HEG1: variants seen among roughly 807,000 people sequenced by gnomAD.
HEG1 encodes protein HEG homolog 1.
Under a neutral mutation model 125.6 loss-of-function variants are expected in HEG1, and 56 were observed. The observed-to-expected ratio is 0.45, with a 90% CI of 0.36 to 0.56. HEG1 has a LOEUF of 0.56. HEG1 is among the 20% of genes least tolerant of loss of function. HEG1 has a pLI of 0.00. For missense variants in HEG1, 1,523 were observed against 1,670.0 expected, an observed-to-expected ratio of 0.91 and a Z score of 1.53; for synonymous variants, 644 against 668.5, an observed-to-expected ratio of 0.96 and a Z score of 0.57.
chr3:125,039,840 A>G (rs1345965397), intron 1 of HEG1, among the ~76,000 whole-genome samples: 4 of 151,716 alleles, frequency 2.6e-5, no homozygotes, highest in Non-Finnish European at 5.9e-5. Context: ...AGAGCCAAAA[A>G]AAAAAAAAAC....
Position 124,977,399 on chromosome 3 carries a change from T to C in HEG1, c.3821+460A>G, listed in dbSNP as rs190451060. Among the ~76,000 whole-genome samples the C allele has an allele frequency of 1.1e-4, 17 of 152,346 alleles. No individual in the cohort carries two copies. The East Asian group carries it at 3.3e-3, about 29-fold the overall frequency. ...TATCTCTTCTTTGAAGAAATGTCTA[T>C]TCAAGTGTTTGTCCAGTTTTAAAAT... On this transcript the variant is annotated intron_variant, in intron 15 of 16. Transcript: ENST00000311127.
At position 124,968,874 on chromosome 3, in the gene HEG1, C is replaced by A. The variant is rs1282826432; in HGVS notation, c.*1778G>T. On this transcript the variant is annotated 3_prime_UTR_variant, in exon 17 of 17. Coordinates refer to ENST00000311127, the MANE Select transcript of HEG1 (RefSeq NM_020733.2). The stretch of plus-strand genomic sequence containing the variant: ...CACTTTGAAATTTTAGGTTAGCCTC[C>A]ACTGATAAAAACAGTTCTCCTTTTA... 6.6e-6 allele frequency: 1 copy of A among 152,186 alleles called. No homozygotes were observed. Among genetic ancestry groups the A allele is most frequent in the Non-Finnish European group, 1.5e-5 (1 of 68,030 alleles). 9.4% of individuals were successfully genotyped at this position (152,186 alleles called of 1,614,324 possible). A position where few individuals can be genotyped will look rare whatever the true frequency, so the allele number is the denominator to read the frequency against.
intron 9 of HEG1, among the ~76,000 whole-genome samples, chr3:125,004,664 C>CT (rs1408804388): frequency 2.6e-5 from 4 of 151,538 alleles, no homozygotes; most frequent in Non-Finnish European, 5.9e-5. Context: ...TAACTTTTGT[C>CT]TTTTTTGTAG....
intron 1 of HEG1, among the ~76,000 whole-genome samples, chr3:125,039,218 C>T (rs1377027510): frequency 2.0e-5 from 3 of 151,910 alleles, no homozygotes; most frequent in Admixed American, 1.3e-4. Flanking sequence ...ACTTCTGTAG[C>T]GTCTTAATGT....
chr3:125,001,523 AG>A (rs1294845882), intron 11 of HEG1, among the ~76,000 whole-genome samples: 1 of 152,184 alleles, frequency 6.6e-6, no homozygotes, highest in Non-Finnish European at 1.5e-5. Flanking sequence ...CAGTGGAAAA[AG>A]AGTGATTTCT....
intron 6 of HEG1, among the ~76,000 whole-genome samples, chr3:125,011,882 A>T (rs1937161356): frequency 6.6e-6 from 1 of 152,040 alleles, no homozygotes. Context: ...ACTTCCTTCT[A>T]CCGTTCCTTA....
Position 125,045,293 on chromosome 3 carries a change from C to A in HEG1, c.316+10282G>T, listed in dbSNP as rs530455623. On this transcript the variant is annotated intron_variant, in intron 1 of 16. Coordinates refer to ENST00000311127, the MANE Select transcript of HEG1 (RefSeq NM_020733.2). The stretch of plus-strand genomic sequence containing the variant: ...AGTTCTCTCTACCTAGACTGTCCTA[C>A]TTCCTTCCCCTCGGCCTCCTGGCAA... Among the ~76,000 whole-genome samples, 6 of 152,356 alleles carry A rather than the reference C, an allele frequency of 3.9e-5. No individual in the cohort carries two copies. The South Asian group carries it at 1.2e-3, about 32-fold the overall frequency.
intron 9 of HEG1, 101 bp from the exon 10 acceptor site, chr3:125,002,416 C>T: frequency 9.5e-7 from 1 of 1,057,332 alleles, no homozygotes; most frequent in South Asian, 1.5e-5. Flanking sequence ...ATTTTCCAGC[C>T]ATCAAGTTAT....
chr3:125,038,483 C>T (rs1937566530), intron 1 of HEG1, among the ~76,000 whole-genome samples: 1 of 152,248 alleles, frequency 6.6e-6, no homozygotes, highest in Admixed American at 6.5e-5. Flanking sequence ...ATAGCTGGAG[C>T]AGGCAACACC....
At chr3:125,024,553 C>A (rs908085644) in intron 3 of HEG1, among the ~76,000 whole-genome samples, 1 of 152,142 alleles carries the variant, frequency 6.6e-6, no homozygotes, top group Non-Finnish European at 1.5e-5. Context: ...CATAAAGCAG[C>A]AAAAGATGTA....
At chr3:125,014,780 C>T (rs1462161286) in intron 5 of HEG1, 3 of 1,289,562 alleles carry the variant, frequency 2.3e-6, no homozygotes, top group Non-Finnish European at 3.0e-6. Context: ...CGTTTACGTG[C>T]AGAGAGGCAC....
At chr3:124,985,880 C>T (rs575642027) in intron 14 of HEG1, among the ~76,000 whole-genome samples, 11 of 152,336 alleles carry the variant, frequency 7.2e-5, no homozygotes, top group Non-Finnish European at 1.3e-4. Context: ...CAGGTTCAAG[C>T]GATTATCCTG....
intron 1 of HEG1, among the ~76,000 whole-genome samples, chr3:125,041,203 T>C (rs1001878238): frequency 6.6e-6 from 1 of 152,232 alleles, no homozygotes. Context: ...GCATCCATAC[T>C]GCTTTACATC....
chr3:125,014,651 G>C, intron 5 of HEG1: 1 of 1,180,676 alleles, frequency 8.5e-7, no homozygotes. Flanking sequence ...TCCCAGGACG[G>C]TGAGTAAATT....
intron 14 of HEG1, among the ~76,000 whole-genome samples, chr3:124,980,741 A>T (rs1426610674): frequency 2.0e-5 from 3 of 151,598 alleles, no homozygotes; most frequent in African/African-American, 7.3e-5. Context: ...CTGGTCTCAA[A>T]CTCTTGGCCT....
intron 15 of HEG1, among the ~76,000 whole-genome samples, chr3:124,974,150 T>C (rs2107685976): frequency 6.6e-6 from 1 of 150,900 alleles, no homozygotes; most frequent in Non-Finnish European, 1.5e-5. Flanking sequence ...TATCAGGGGG[T>C]AGGGGGACAA....
chr3:124,987,547 G>T (rs1936757326), intron 14 of HEG1, among the ~76,000 whole-genome samples: 1 of 147,192 alleles, frequency 6.8e-6, no homozygotes, highest in Non-Finnish European at 1.5e-5. Context: ...TTTTGAGACG[G>T]AGTCTCGCTG....
At chr3:125,011,408 C>T (rs72980432) in intron 6 of HEG1, among the ~76,000 whole-genome samples, 2,969 of 152,310 alleles carry the variant, frequency 0.019, 95 homozygotes, top group African/African-American at 0.066. Context: ...AATATAGTAA[C>T]AGCCAGTGAA....
Position 124,997,767 on chromosome 3 carries a change from T to C in HEG1, c.3574A>G (p.Thr1192Ala). 6.2e-7 allele frequency: 1 copy of C among 1,600,372 alleles called. No individual in the cohort carries two copies. The highest frequency in any genetic ancestry group is 8.5e-7 in the Non-Finnish European group (1 of 1,170,818). ...PECDKDTSICTDLDGVALCQC... is the reference protein window; with the variant it reads ...PECDKDTSICADLDGVALCQC... ...CACAGGGCAACGCCGTCCAGGTCAG[T>C]GCAGATGGAGGTGTCTTTGTCACAT... Residue 1192 changes from threonine (T) to alanine (A), a missense_variant, in exon 12 of 17, where the codon ACT (threonine) becomes GCT (alanine). Thr to Ala is a moderately conservative substitution (Grantham distance 58, BLOSUM62 0). Transcript: ENST00000311127.
Sources: gnomAD v4.1 joint callset for allele counts (sites outside exome capture counted in the v4.1 genomes callset) on GRCh38, gnomAD v4.1.1 for gene constraint, MANE v1.5 for transcripts, NCBI Gene and HGNC (gene_info 2026-07-23, HGNC 2026-07-21) for gene names.